PRR13: variants seen among roughly 807,000 people sequenced by gnomAD.
PRR13 encodes proline-rich protein 13.
In PRR13, 7 loss-of-function variants were observed where a neutral mutation model predicts 11.5. The ratio of observed to expected loss-of-function variants is 0.61; its 90% CI spans 0.34 to 1.14. PRR13 has a LOEUF of 1.14. PRR13 is among the 50% of genes most tolerant of loss of function. The pLI, the probability that PRR13 is intolerant of heterozygous loss-of-function variation, is 0.03. For synonymous variants in PRR13, 53 were observed against 67.8 expected, an observed-to-expected ratio of 0.78 and a Z score of 1.07; for missense variants, 155 against 194.4, an observed-to-expected ratio of 0.80 and a Z score of 1.21.
chr12:53,445,005 A>G (rs1482647610), intron 3 of PRR13, among the ~76,000 whole-genome samples: 2 of 152,222 alleles, frequency 1.3e-5, no homozygotes. Context: ...TTAACTGCCC[A>G]GTATTTATTT....
intron 3 of PRR13, among the ~76,000 whole-genome samples, chr12:53,445,801 A>T (rs1031670189): frequency 6.6e-6 from 1 of 152,188 alleles, no homozygotes; most frequent in African/African-American, 2.4e-5. Context: ...TCCGTGTGAT[A>T]ATTTAGGATG....
intron 1 of PRR13, chr12:53,442,284 G>A (rs1940306781): frequency 9.3e-6 from 2 of 214,234 alleles, no homozygotes; most frequent in Non-Finnish European, 1.9e-5. Context: ...TTGCTCCGTC[G>A]CCCAGGCTAG....
intron 3 of PRR13, 49 bp from the exon 4 acceptor site, chr12:53,445,966 A>G: frequency 6.2e-7 from 1 of 1,613,282 alleles, no homozygotes; most frequent in South Asian, 1.1e-5. Flanking sequence ...ATGAAAGGTC[A>G]TTTGGATCTG....
At chr12:53,442,079 AG>A in intron 1 of PRR13, 1 of 492,064 alleles carries the variant, frequency 2.0e-6, no homozygotes, top group Non-Finnish European at 3.6e-6. Context: ...ACTCAGTTCC[AG>A]GGAAAGGGAG....
chr12:53,442,969 G>GT (rs1940324631), intron 2 of PRR13: 3 of 433,340 alleles, frequency 6.9e-6, no homozygotes, highest in Non-Finnish European at 1.2e-5. Flanking sequence ...CGATTCTCCT[G>GT]TTTCAGCCTC....
chr12:53,442,807 A>G, intron 2 of PRR13, 74 bp downstream of exon 2: 1 of 1,506,484 alleles, frequency 6.6e-7, no homozygotes, highest in Non-Finnish European at 9.2e-7. Flanking sequence ...TTTCTGTATC[A>G]GCTCCCCTAC....
chr12:53,442,621 G>A lies in PRR13; in HGVS notation c.-20-74G>A, dbSNP rs961158737. The A allele has an allele frequency of 1.1e-5, 14 of 1,326,498 alleles. No individual in the cohort carries two copies. In the African/African-American group the frequency reaches 2.0e-4, roughly 19 times the overall value. 82.2% of individuals were successfully genotyped at this position (1,326,498 alleles called of 1,614,324 possible). A position where few individuals can be genotyped will look rare whatever the true frequency, so the allele number is the denominator to read the frequency against. On this transcript the variant is annotated intron_variant, in intron 1 of 3. Transcript: ENST00000429243. ...CCTACTGTGGGGTGGAAGACGTTAG[G>A]GCTGGGCTCCGGTGCTAAGTCCACT...
chr12:53,441,846 G>C, intron 1 of PRR13, 54 bp downstream of exon 1: 1 of 702,280 alleles, frequency 1.4e-6, no homozygotes, highest in Non-Finnish European at 2.6e-6. Flanking sequence ...GCTAGGTCAA[G>C]AGTCTCTTCG....
In PRR13 at chr12:53,441,931, T is replaced by G. The variant is rs1416393705; in HGVS notation, c.-21+139T>G. The stretch of plus-strand genomic sequence containing the variant: ...GGGGCTGTGTCCACATATTTAAGTA[T>G]TTGAGGTTCTTGGGCAACTTCCTTC... On this transcript the variant is annotated intron_variant, in intron 1 of 3. Transcript: ENST00000429243. 7 of 651,674 alleles carry G rather than the reference T, an allele frequency of 1.1e-5. No individual in the cohort carries two copies. The African/African-American group carries it at 1.1e-4, about 10-fold the overall frequency. 40.4% of individuals were successfully genotyped at this position (651,674 alleles called of 1,614,324 possible).
chr12:53,444,255 C>G (rs1377122951), intron 3 of PRR13, among the ~76,000 whole-genome samples: 1 of 151,932 alleles, frequency 6.6e-6, no homozygotes. Context: ...GTCCTTTGCC[C>G]TATCATCCAG....
chr12:53,444,370 C>T (rs1158942658), intron 3 of PRR13, among the ~76,000 whole-genome samples: 6 of 149,010 alleles, frequency 4.0e-5, no homozygotes, highest in African/African-American at 1.5e-4. Context: ...CGCTCTTTAG[C>T]CCAGGCCAGA....
At chr12:53,444,611 G>A (rs1340457602) in intron 3 of PRR13, among the ~76,000 whole-genome samples, 1 of 152,224 alleles carries the variant, frequency 6.6e-6, no homozygotes, top group Non-Finnish European at 1.5e-5. Context: ...TTACAGGCGT[G>A]AGCCACTGCA....
intron 3 of PRR13, among the ~76,000 whole-genome samples, chr12:53,445,726 G>C (rs1005841746): frequency 6.6e-6 from 1 of 152,174 alleles, no homozygotes; most frequent in African/African-American, 2.4e-5. Context: ...TCCTTGCCTA[G>C]GCATCGATTC....
intron 3 of PRR13, among the ~76,000 whole-genome samples, chr12:53,445,308 A>G (rs1940379596): frequency 6.7e-6 from 1 of 148,840 alleles, no homozygotes; most frequent in African/African-American, 2.5e-5. Context: ...AGATCATGCC[A>G]TTGCACTCCA....
intron 1 of PRR13, 28 bp from the exon 2 acceptor site, chr12:53,442,666 TC>T (rs1212160130): frequency 3.6e-5 from 57 of 1,574,412 alleles, no homozygotes; most frequent in Non-Finnish European, 4.9e-5. Context: ...TAGACCGTCA[TC>T]TTTTTTGCCT....
chr12:53,443,247 G>C (rs1056107142), intron 2 of PRR13, 144 bp from the exon 3 acceptor site: 4 of 870,134 alleles, frequency 4.6e-6, no homozygotes, highest in African/African-American at 3.4e-5. Context: ...CCCAACTCAA[G>C]TTTGTCTCCC....
Position 53,445,873 on chromosome 12 carries a change from CTG to C in PRR13, c.403-140_403-139del, listed in dbSNP as rs1328635194. 5 of 1,166,224 alleles carry C rather than the reference CTG, an allele frequency of 4.3e-6. No individual in the cohort carries two copies. In the South Asian group the frequency reaches 5.4e-5, roughly 13 times the overall value. 72.2% of individuals were successfully genotyped at this position (1,166,224 alleles called of 1,614,324 possible). A position where few individuals can be genotyped will look rare whatever the true frequency, so the allele number is the denominator to read the frequency against. On this transcript the variant is annotated intron_variant, in intron 3 of 3. Coordinates refer to ENST00000429243, the MANE Select transcript of PRR13 (RefSeq NM_018457.4). ...ACCCTTGCTTTTGTTTAGGTACAGT[CTG>C]TTCAAGACTCCTGACCTTCTTAGGG... is the stretch of plus-strand genomic sequence containing the variant.
In PRR13 at chr12:53,441,808, G is replaced by A. The variant is rs747356765; in HGVS notation, c.-21+16G>A. On this transcript the variant is annotated intron_variant, in intron 1 of 3. Coordinates refer to ENST00000429243, the MANE Select transcript of PRR13 (RefSeq NM_018457.4). ...CGGTGGAAAGGTGATGGGGTATCTG[G>A]ATTCCATAGGTTTTTCCTTTTCCCC... 2.8e-6 allele frequency: 2 copies of A among 702,252 alleles called. No individual in the cohort carries two copies. The highest frequency in any genetic ancestry group is 5.2e-6 in the Non-Finnish European group (2 of 384,848). 43.5% of individuals were successfully genotyped at this position (702,252 alleles called of 1,614,324 possible).
chr12:53,442,624 TG>T, intron 1 of PRR13, 70 bp from the exon 2 acceptor site: 2 of 1,357,582 alleles, frequency 1.5e-6, no homozygotes, highest in South Asian at 1.2e-5. Context: ...ACGTTAGGGC[TG>T]GGCTCCGGTG....
Sources: gnomAD v4.1 joint callset for allele counts (sites outside exome capture counted in the v4.1 genomes callset) on GRCh38, gnomAD v4.1.1 for gene constraint, MANE v1.5 for transcripts, NCBI Gene and HGNC (gene_info 2026-07-23, HGNC 2026-07-21) for gene names.